TSHZ1: variants seen among roughly 807,000 people sequenced by gnomAD.
The protein encoded by TSHZ1 is teashirt homolog 1.
In TSHZ1, 12 loss-of-function variants were observed where a neutral mutation model predicts 67.1. That is an observed-to-expected ratio of 0.18 (90% CI 0.11 to 0.29). TSHZ1 has a LOEUF of 0.29. TSHZ1 is among the 10% of genes least tolerant of loss of function. The pLI is 1.00. For missense variants in TSHZ1, 1,305 were observed against 1,413.9 expected (o/e 0.92, Z 1.23); for synonymous variants, 632 against 622.4 (o/e 1.02, Z -0.23).
chr18:75,228,609 A>T (rs1433783724), intron 1 of TSHZ1, among the ~76,000 whole-genome samples: 1 of 152,260 alleles, frequency 6.6e-6, no homozygotes, highest in Non-Finnish European at 1.5e-5. Flanking sequence ...GTAGTAGCAT[A>T]TGCAATACAA....
intron 1 of TSHZ1, among the ~76,000 whole-genome samples, chr18:75,253,820 G>GT (rs2023332891): frequency 6.6e-6 from 1 of 152,254 alleles, no homozygotes; most frequent in African/African-American, 2.4e-5. Flanking sequence ...ACAGTCTTCA[G>GT]TTTTAGGGAA....
At chr18:75,229,322 A>T (rs577488433) in intron 1 of TSHZ1, among the ~76,000 whole-genome samples, 1 of 152,350 alleles carries the variant, frequency 6.6e-6, no homozygotes, top group East Asian at 1.9e-4. Flanking sequence ...AACGAAAGTA[A>T]CTTTCTTTCC....
intron 1 of TSHZ1, among the ~76,000 whole-genome samples, chr18:75,237,780 C>CTTCT (rs142976744): frequency 1.7e-4 from 21 of 123,740 alleles, no homozygotes; most frequent in South Asian, 1.4e-3. Context: ...AGACTGAAGC[C>CTTCT]TTCTTTCTTT....
At chr18:75,225,747 C>T (rs181252375) in intron 1 of TSHZ1, among the ~76,000 whole-genome samples, 6 of 150,658 alleles carry the variant, frequency 4.0e-5, no homozygotes, top group Non-Finnish European at 7.4e-5. Flanking sequence ...ATCTCGGTGG[C>T]GGGTTTTACT....
At chr18:75,261,401 A>G (rs1047542150) in intron 1 of TSHZ1, among the ~76,000 whole-genome samples, 19 of 152,170 alleles carry the variant, frequency 1.2e-4, no homozygotes, top group African/African-American at 4.3e-4. Flanking sequence ...GAATGTCAGG[A>G]GTCTTGTCAG....
intron 1 of TSHZ1, among the ~76,000 whole-genome samples, chr18:75,277,264 AT>A (rs2023624749): frequency 6.6e-6 from 1 of 152,086 alleles, no homozygotes; most frequent in Admixed American, 6.5e-5. Flanking sequence ...GCATATCATC[AT>A]TTTGTTCCCA....
At chr18:75,267,772 T>A (rs1474221415) in intron 1 of TSHZ1, among the ~76,000 whole-genome samples, 1 of 152,206 alleles carries the variant, frequency 6.6e-6, no homozygotes, top group East Asian at 1.9e-4. Context: ...CAAGTGGAGA[T>A]GCATAAAATC....
At chr18:75,234,903 T>G (rs1420097243) in intron 1 of TSHZ1, among the ~76,000 whole-genome samples, 2 of 152,220 alleles carry the variant, frequency 1.3e-5, no homozygotes, top group Non-Finnish European at 2.9e-5. Flanking sequence ...TGCACCACAG[T>G]GCCTTTTATT....
chr18:75,229,431 A>G (rs905838899), intron 1 of TSHZ1, among the ~76,000 whole-genome samples: 3 of 152,250 alleles, frequency 2.0e-5, no homozygotes, highest in African/African-American at 4.8e-5. Context: ...AGGGGGACCC[A>G]TCGGAGCACC....
intron 1 of TSHZ1, among the ~76,000 whole-genome samples, chr18:75,276,921 A>G (rs2023619840): frequency 6.6e-6 from 1 of 152,146 alleles, no homozygotes; most frequent in African/African-American, 2.4e-5. Flanking sequence ...AGGAAAAGAG[A>G]GCTTGGGTAG....
In TSHZ1 at chr18:75,287,873, C is replaced by T. The variant is rs1380607903; in HGVS notation, c.2466C>T (p.Ser822=). 3.1e-6 allele frequency: 5 copies of T among 1,614,192 alleles called. No individual in the cohort carries two copies. In the Admixed American group the frequency reaches 8.3e-5, roughly 27 times the overall value. The change falls in exon 2 of 2, where the codon TCC becomes TCT. Residue 822 remains serine, a synonymous_variant. Transcript: ENST00000580243. This position sits in a 1 kb window ranked among gnomAD's most constrained non-coding sequence, Gnocchi z 5.0. The part of the protein sequence containing the change: ...LTKSKNKPLV[S]SVADSVASPL... ...AGTCCAAGAACAAGCCGCTGGTGTC[C>T]AGCGTGGCTGATTCGGTGGCATCAC... is the stretch of plus-strand genomic sequence containing the variant.
intron 1 of TSHZ1, among the ~76,000 whole-genome samples, chr18:75,279,398 G>T (rs1357425441): frequency 6.6e-6 from 1 of 152,214 alleles, no homozygotes; most frequent in East Asian, 1.9e-4. Context: ...ATGCCAGAAG[G>T]TTCAGAGGGC....
At chr18:75,268,590 CAG>C (rs1339862993) in intron 1 of TSHZ1, among the ~76,000 whole-genome samples, 5 of 151,914 alleles carry the variant, frequency 3.3e-5, no homozygotes, top group East Asian at 1.9e-4. Flanking sequence ...CCACCTAAAT[CAG>C]GGGAATGAAA....
rs1187268308 is a variant in TSHZ1 at position 75,287,815 on chromosome 18, A to G, written c.2408A>G (p.Tyr803Cys). 1.9e-6 allele frequency: 3 copies of G among 1,614,014 alleles called. No homozygotes were observed. Among genetic ancestry groups the G allele is most frequent in the Non-Finnish European group, 2.5e-6 (3 of 1,180,054 alleles). ...KQADAIDRYY[Y>C]ENSDQPIDLT... ...GCCGATGCCATCGACCGCTACTATT[A>G]TGAAAACAGCGACCAGCCCATTGAC... The change falls in exon 2 of 2, where the codon TAT (tyrosine) becomes TGT (cysteine). Residue 803 changes from tyrosine to cysteine, a missense_variant. Tyr to Cys is a radical substitution (Grantham distance 194). Transcript: ENST00000580243. The surrounding 1 kb of genome is among the most constrained non-coding windows in gnomAD (Gnocchi z 5.0).
chr18:75,281,201 C>G lies in TSHZ1; in HGVS notation c.41-4247C>G, dbSNP rs1483656164. 6.6e-6 allele frequency among the ~76,000 whole-genome samples: 1 copy of G among 152,194 alleles called. No individual in the cohort carries two copies. The highest frequency in any genetic ancestry group is 1.5e-5 in the Non-Finnish European group (1 of 68,036). ...ATCTGGGGACGTTGGAAGGCTCTGG[C>G]CACAGCTGGTCATCAGTGCGGGGGG... is the stretch of plus-strand genomic sequence containing the variant. On this transcript the variant is annotated intron_variant, in intron 1 of 1. Coordinates refer to ENST00000580243, the MANE Select transcript of TSHZ1 (RefSeq NM_001308210.2). This position sits in a 1 kb window ranked among gnomAD's most constrained non-coding sequence, Gnocchi z 5.3.
At chr18:75,280,015 T>G (rs139437746) in intron 1 of TSHZ1, among the ~76,000 whole-genome samples, 46 of 152,386 alleles carry the variant, frequency 3.0e-4, no homozygotes, top group African/African-American at 1.0e-3. Flanking sequence ...ATTTATTATC[T>G]AGATAGAAAA....
At chr18:75,225,193 G>A (rs1216416022) in intron 1 of TSHZ1, among the ~76,000 whole-genome samples, 1 of 152,212 alleles carries the variant, frequency 6.6e-6, no homozygotes, top group Non-Finnish European at 1.5e-5. Context: ...GGGTGTGGAC[G>A]TGCATGGTGG....
intron 1 of TSHZ1, among the ~76,000 whole-genome samples, chr18:75,249,347 G>A (rs1158019816): frequency 6.6e-6 from 1 of 152,120 alleles, no homozygotes; most frequent in Non-Finnish European, 1.5e-5. Flanking sequence ...TCTCACCCCT[G>A]TGGCGGGTGG....
In TSHZ1 at chr18:75,285,889, C is replaced by G. The variant is rs778084273; in HGVS notation, c.482C>G (p.Pro161Arg). The G allele has an allele frequency of 6.5e-7, 1 of 1,542,436 alleles. No homozygotes were observed. Among genetic ancestry groups the G allele is most frequent in the Non-Finnish European group, 8.8e-7 (1 of 1,142,280 alleles). The change falls in exon 2 of 2, where the codon CCC (proline) becomes CGC (arginine). Residue 161 changes from proline (P) to arginine (R), a missense_variant. By Grantham distance (103) the Pro-to-Arg change is moderately radical (BLOSUM62 -2). This residue lies in a region of TSHZ1 where 358 missense variants were observed against 375.6 expected (regional missense o/e 0.95). Coordinates refer to ENST00000580243, the MANE Select transcript of TSHZ1 (RefSeq NM_001308210.2). ...KESSAPTPTP[P>R]TCPVSTTGPT... ...AGCTCCGCCCCCACCCCCACACCCC[C>G]CACCTGCCCCGTCAGCACCACTGGC...
Sources: allele counts gnomAD v4.1 joint callset (sites outside exome capture counted in the v4.1 genomes callset), GRCh38; gene constraint gnomAD v4.1.1; regional missense constraint gnomAD v4.1.1; non-coding constraint Gnocchi (gnomAD v3.1); transcripts MANE v1.5; gene names NCBI Gene and HGNC (gene_info 2026-07-23, HGNC 2026-07-21).